The following PDZD2 variants were observed in gnomAD, a reference collection of about 807,000 sequenced individuals.
PDZD2 encodes PDZ domain containing 2.
Under a neutral mutation model 220.7 loss-of-function variants are expected in PDZD2, and 90 were observed. The observed-to-expected ratio is 0.41, with a 90% CI of 0.34 to 0.49. The LOEUF is 0.49. PDZD2 is among the 20% of genes least tolerant of loss of function. PDZD2 has a pLI of 0.28. For missense variants in PDZD2, 3,174 were observed against 3,608.5 expected, an observed-to-expected ratio of 0.88 and a Z score of 3.08; for synonymous variants, 1,375 against 1,450.5, an observed-to-expected ratio of 0.95 and a Z score of 1.18.
At chr5:31,986,032 G>T (rs937058788) in intron 3 of PDZD2, among the ~76,000 whole-genome samples, 3 of 137,662 alleles carry the variant, frequency 2.2e-5, no homozygotes, top group Non-Finnish European at 4.5e-5. Context: ...CCAAGATCGC[G>T]CCATTGCACT....
intron 2 of PDZD2, among the ~76,000 whole-genome samples, chr5:31,930,054 T>C (rs1745120957): frequency 6.6e-6 from 1 of 152,056 alleles, no homozygotes; most frequent in South Asian, 2.1e-4. Flanking sequence ...TCTGCTCCCT[T>C]TTTGCCTTCT....
chr5:32,042,407 C>CA (rs546222216), intron 7 of PDZD2, among the ~76,000 whole-genome samples: 2,316 of 95,456 alleles, frequency 0.024, 21 homozygotes, highest in African/African-American at 0.043. Flanking sequence ...ACTAAAAATA[C>CA]AAAAAAAAAA....
chr5:31,925,158 G>C (rs1460879382), intron 2 of PDZD2, among the ~76,000 whole-genome samples: 1 of 152,186 alleles, frequency 6.6e-6, no homozygotes, highest in African/African-American at 2.4e-5. Context: ...GCCATGGAAA[G>C]TCATCCTAAG....
chr5:31,976,693 CTTTTCCTT>C (rs1561241016), intron 2 of PDZD2, among the ~76,000 whole-genome samples: 1 of 140,942 alleles, frequency 7.1e-6, no homozygotes, highest in Non-Finnish European at 1.5e-5. Context: ...TTGTTTCTTT[CTTTTCCTT>C]TTTTTCTTCT....
At position 32,085,568 on chromosome 5, in the gene PDZD2, C is replaced by T. The variant is rs1742365872; in HGVS notation, c.3683-1563C>T. On this transcript the variant is annotated intron_variant, in intron 19 of 24. Transcript: ENST00000438447. ...TCAAGCGATTCTCCTGCCTCAGCCT[C>T]ACAAGTAGCTGGGATTACAGGCGTG... is the stretch of plus-strand genomic sequence containing the variant. Among the ~76,000 whole-genome samples, 3 of 150,444 alleles carry T rather than the reference C, an allele frequency of 2.0e-5. No individual in the cohort carries two copies. The South Asian group carries it at 6.2e-4, about 31-fold the overall frequency.
chr5:31,810,083 A>G (rs1439072652), intron 2 of PDZD2, among the ~76,000 whole-genome samples: 1 of 152,190 alleles, frequency 6.6e-6, no homozygotes, highest in Non-Finnish European at 1.5e-5. Flanking sequence ...TAGTGTGGTT[A>G]TAGTGTTACT....
chr5:31,933,901 A>G (rs951559384), intron 2 of PDZD2, among the ~76,000 whole-genome samples: 6 of 152,164 alleles, frequency 3.9e-5, no homozygotes, highest in Non-Finnish European at 7.4e-5. Flanking sequence ...GGATAATGCA[A>G]TTCAGAAACT....
At chr5:31,974,076 G>A (rs917557407) in intron 2 of PDZD2, among the ~76,000 whole-genome samples, 2 of 152,174 alleles carry the variant, frequency 1.3e-5, no homozygotes, top group African/African-American at 2.4e-5. Context: ...CACTTCCAGG[G>A]CTCAAGCAAT....
rs1052120849 is a variant in PDZD2 at position 32,007,972 on chromosome 5, C to T, written c.1255-2358C>T. 4.6e-5 allele frequency among the ~76,000 whole-genome samples: 7 copies of T among 152,046 alleles called. No homozygotes were observed. The East Asian group carries it at 7.7e-4, about 17-fold the overall frequency. ...ATAAGATCAAAGGGCTGTGTGTTGG[C>T]GATGCCCCTTCAGAATCTTATCCAA... On this transcript the variant is annotated intron_variant, in intron 5 of 24. Transcript: ENST00000438447.
chr5:31,753,045 T>C (rs1362614007), intron 1 of PDZD2, among the ~76,000 whole-genome samples: 1 of 152,226 alleles, frequency 6.6e-6, no homozygotes, highest in African/African-American at 2.4e-5. Context: ...TCCTTATGAT[T>C]GGTATTTTCA....
Position 31,923,435 on chromosome 5 carries a change from C to T in PDZD2, c.477-59720C>T, listed in dbSNP as rs879201048. On this transcript the variant is annotated intron_variant, in intron 2 of 24. Coordinates refer to ENST00000438447, the MANE Select transcript of PDZD2 (RefSeq NM_178140.4). Reference sequence around the variant, plus strand: ...TCTTCAACGGGGGCCAGTTTGCCATCCACTTGGGCTTTATCCCTCTTGTGA... The same window carrying T: ...TCTTCAACGGGGGCCAGTTTGCCATTCACTTGGGCTTTATCCCTCTTGTGA... 7.9e-5 allele frequency: 91 copies of T among 1,158,794 alleles called. 2 individuals are homozygous for T. The highest frequency in any genetic ancestry group is 2.2e-4 in the Middle Eastern group (1 of 4,598). 71.8% of individuals were successfully genotyped at this position (1,158,794 alleles called of 1,614,324 possible).
At chr5:31,892,914 G>C (rs1018561483) in intron 2 of PDZD2, among the ~76,000 whole-genome samples, 9 of 152,266 alleles carry the variant, frequency 5.9e-5, no homozygotes, top group Non-Finnish European at 1.2e-4. Context: ...GGTGGAGACA[G>C]GTGTGTAGAC....
chr5:31,891,534 C>T (rs36173730), intron 2 of PDZD2, among the ~76,000 whole-genome samples: 16,202 of 152,100 alleles, frequency 0.11, 1,205 homozygotes, highest in African/African-American at 0.21. Flanking sequence ...AGGCTGATCT[C>T]GAACTCCTGA....
In PDZD2 at chr5:31,646,586, A is replaced by C. The variant is rs967892366; in HGVS notation, c.-361+7149A>C. Among the ~76,000 whole-genome samples, 3 of 152,172 alleles carry C rather than the reference A, an allele frequency of 2.0e-5. No individual in the cohort carries two copies. The highest frequency in any genetic ancestry group is 2.0e-4 in the Admixed American group (3 of 15,268). On this transcript the variant is annotated intron_variant, in intron 1 of 24. Transcript: ENST00000438447. The surrounding 1 kb of genome is among the most constrained non-coding windows in gnomAD (Gnocchi z 4.7). ...AATGTCTGATTTCAGCTGTGTTTTC[A>C]GTTGAACACCCCCCACCACCCGCCC...
chr5:31,745,102 T>A (rs916238058), intron 1 of PDZD2, among the ~76,000 whole-genome samples: 2 of 152,014 alleles, frequency 1.3e-5, no homozygotes, highest in Admixed American at 6.6e-5. Flanking sequence ...ATAAATAAAA[T>A]AAAAAATAAA....
At chr5:32,014,070 A>C (rs943430920) in intron 6 of PDZD2, among the ~76,000 whole-genome samples, 1 of 152,184 alleles carries the variant, frequency 6.6e-6, no homozygotes, top group Non-Finnish European at 1.5e-5. Flanking sequence ...TTTTTTAGTT[A>C]TATGTTCACA....
intron 3 of PDZD2, among the ~76,000 whole-genome samples, chr5:31,993,385 C>T (rs1581231602): frequency 6.6e-6 from 1 of 152,202 alleles, no homozygotes; most frequent in Admixed American, 6.5e-5. Context: ...GCACGCTACC[C>T]GAAGGAGTGT....
intron 7 of PDZD2, among the ~76,000 whole-genome samples, chr5:32,039,985 C>G (rs1312005062): frequency 6.8e-6 from 1 of 147,568 alleles, no homozygotes; most frequent in East Asian, 2.1e-4. Context: ...CCTGGCCGCC[C>G]CATCTGGGAA....
chr5:31,808,130 C>T (rs1754846876), intron 2 of PDZD2, among the ~76,000 whole-genome samples: 1 of 152,092 alleles, frequency 6.6e-6, no homozygotes, highest in Admixed American at 6.6e-5. Flanking sequence ...ATACTGTAGT[C>T]TCTGGGGCCA....
Sources: gnomAD v4.1 joint callset for allele counts (sites outside exome capture counted in the v4.1 genomes callset) on GRCh38, gnomAD v4.1.1 for gene constraint, Gnocchi (gnomAD v3.1) non-coding constraint, MANE v1.5 for transcripts, NCBI Gene and HGNC (gene_info 2026-07-23, HGNC 2026-07-21) for gene names.